Variants in PTPRD observed in about 807,000 individuals in gnomAD.
PTPRD encodes receptor-type tyrosine-protein phosphatase delta.
Under a neutral mutation model 214.5 loss-of-function variants are expected in PTPRD, and 34 were observed. The ratio of observed to expected loss-of-function variants is 0.16; its 90% confidence interval spans 0.12 to 0.21. The LOEUF (loss-of-function observed/expected upper bound fraction) is 0.21. Ranked by LOEUF, PTPRD falls within the 10% of genes least tolerant of loss-of-function variation. The probability of loss-of-function intolerance (pLI) is 1.00; values close to 1 mark genes in which losing one functional copy is unlikely to be tolerated. For synonymous variants in PTPRD, 1,128 were observed against 845.7 expected, an observed-to-expected ratio of 1.33 and a Z score of -5.79; for missense variants, 2,545 against 2,398.7, an observed-to-expected ratio of 1.06 and a Z score of -1.27.
At chr9:9,516,773 T>TGATCTGCCCTCCTCAGCCTCCC (rs200391119) in intron 8 of PTPRD, among the ~76,000 whole-genome samples, 2,968 of 152,002 alleles carry the variant, frequency 0.02, 47 homozygotes, top group South Asian at 0.039. Context: ...CTTGACCTCA[T>TGATCTGCCCTCCTCAGCCTCCC]GATCTGCCCT....
intron 7 of PTPRD, among the ~76,000 whole-genome samples, chr9:9,595,648 C>A (rs189245197): frequency 6.6e-6 from 1 of 151,888 alleles, no homozygotes; most frequent in East Asian, 1.9e-4. Context: ...TTGCCGCAAC[C>A]TCAATGAGAT....
At chr9:9,920,659 T>G (rs1266320970) in intron 5 of PTPRD, among the ~76,000 whole-genome samples, 1 of 152,150 alleles carries the variant, frequency 6.6e-6, no homozygotes, top group African/African-American at 2.4e-5. Context: ...CTGCTCAGGT[T>G]CCAGGGGATT....
intron 11 of PTPRD, among the ~76,000 whole-genome samples, chr9:8,999,450 T>C (rs1469764562): frequency 6.6e-6 from 1 of 152,080 alleles, no homozygotes; most frequent in Non-Finnish European, 1.5e-5. Flanking sequence ...AATAAACTAT[T>C]TTTAATTAAG....
chr9:10,337,910 T>C (rs944953134), intron 3 of PTPRD, among the ~76,000 whole-genome samples: 1 of 151,766 alleles, frequency 6.6e-6, no homozygotes, highest in African/African-American at 2.4e-5. Flanking sequence ...ATATTATATC[T>C]TTTATGTTAA....
At chr9:8,678,300 T>C (rs2097477792) in intron 12 of PTPRD, among the ~76,000 whole-genome samples, 1 of 152,174 alleles carries the variant, frequency 6.6e-6, no homozygotes, top group South Asian at 2.1e-4. Context: ...GTCAAGTTAA[T>C]GTCAACTATT....
In PTPRD at chr9:8,351,958, G is replaced by A. The variant is rs528311029; in HGVS notation, c.4662-9980C>T. Among the ~76,000 whole-genome samples the A allele has an allele frequency of 1.5e-4, 23 of 152,012 alleles. No homozygotes were observed. The East Asian group carries it at 4.5e-3, about 29-fold the overall frequency. On this transcript the variant is annotated intron_variant, in intron 39 of 45. Transcript: ENST00000381196. ...TTGTATAGAATACTGAAAGATCAGG[G>A]ATGAGCTACCAGGTTATATCCCTTT...
chr9:8,773,439 T>C (rs2095323416), intron 11 of PTPRD, among the ~76,000 whole-genome samples: 1 of 152,160 alleles, frequency 6.6e-6, no homozygotes, highest in Non-Finnish European at 1.5e-5. Flanking sequence ...TGGTACTCGC[T>C]TGTTGGTTTC....
In PTPRD at chr9:8,321,522, TATATAA is replaced by T. The variant is rs1394361793; in HGVS notation, c.5535-1562_5535-1557del. Among the ~76,000 whole-genome samples, 1,077 of 131,348 alleles carry T rather than the reference TATATAA, an allele frequency of 8.2e-3. 10 individuals carry two copies. Among genetic ancestry groups the T allele is most frequent in the South Asian group, 0.016 (65 of 4,134 alleles). The allele number at this position is 131,348 out of a possible 152,430, so 86.2% of individuals were successfully genotyped here. A position where few individuals can be genotyped will look rare whatever the true frequency, so the allele number is the denominator to read the frequency against. ...ATATATATATATATATATATATATA[TATATAA>T]AAGGTATATGCATCGCAATTCCTTT... On this transcript the variant is annotated intron_variant, in intron 44 of 45. Transcript: ENST00000381196.
At chr9:10,286,765 A>T (rs1381255752) in intron 3 of PTPRD, among the ~76,000 whole-genome samples, 1 of 151,818 alleles carries the variant, frequency 6.6e-6, no homozygotes, top group Non-Finnish European at 1.5e-5. Context: ...AGCCCGACTA[A>T]TTTTTTTGTA....
chr9:9,806,225 G>C (rs1430356553), intron 5 of PTPRD, among the ~76,000 whole-genome samples: 1 of 151,940 alleles, frequency 6.6e-6, no homozygotes, highest in Non-Finnish European at 1.5e-5. Flanking sequence ...AGATGGTCAG[G>C]CCGTTATCAC....
At chr9:8,467,871 T>C (rs2096574889) in intron 31 of PTPRD, among the ~76,000 whole-genome samples, 1 of 152,000 alleles carries the variant, frequency 6.6e-6, no homozygotes, top group African/African-American at 2.4e-5. Context: ...TTAAGGACAG[T>C]AGCCTATTAC....
intron 5 of PTPRD, among the ~76,000 whole-genome samples, chr9:9,828,400 G>A (rs1463728735): frequency 6.6e-6 from 1 of 151,956 alleles, no homozygotes; most frequent in Non-Finnish European, 1.5e-5. Flanking sequence ...CTATCACAAG[G>A]ACAAAAAACC....
chr9:10,601,576 C>G (rs1360807352), intron 2 of PTPRD, among the ~76,000 whole-genome samples: 3 of 151,618 alleles, frequency 2.0e-5, no homozygotes, highest in Non-Finnish European at 4.4e-5. Context: ...TATTAAATAT[C>G]TAGAATAGTG....
chr9:9,221,943 C>T (rs917010826), intron 9 of PTPRD, among the ~76,000 whole-genome samples: 2 of 152,022 alleles, frequency 1.3e-5, no homozygotes, highest in African/African-American at 4.8e-5. Context: ...GAGTCACAAT[C>T]TGCATTTTAA....
chr9:9,489,626 A>T (rs1055725830), intron 8 of PTPRD, among the ~76,000 whole-genome samples: 2 of 152,194 alleles, frequency 1.3e-5, no homozygotes, highest in South Asian at 2.1e-4. Context: ...TGAAAATTTT[A>T]AAAAAAGGAT....
At position 9,095,886 on chromosome 9, in the gene PTPRD, T is replaced by C. The variant is rs79784796; in HGVS notation, c.-142-77151A>G. ...TGAACAAATGGATTAAAAACCCCTG[T>C]GGTACATATATACAATGGAATATTA... On this transcript the variant is annotated intron_variant, in intron 10 of 45. Transcript: ENST00000381196. Among the ~76,000 whole-genome samples, 8 of 152,298 alleles carry C rather than the reference T, an allele frequency of 5.3e-5. No individual in the cohort carries two copies. The South Asian group carries it at 1.0e-3, about 20-fold the overall frequency.
intron 8 of PTPRD, among the ~76,000 whole-genome samples, chr9:9,471,558 T>C (rs1589278050): frequency 1.3e-5 from 2 of 152,182 alleles, no homozygotes; most frequent in Non-Finnish European, 1.5e-5. Flanking sequence ...CACTATAAAA[T>C]AGAAATGTCA....
intron 45 of PTPRD, 106 bp downstream of exon 45, chr9:8,319,724 TC>T: frequency 7.3e-7 from 1 of 1,368,836 alleles, no homozygotes; most frequent in Non-Finnish European, 1.0e-6. Context: ...TTTGATGCTT[TC>T]CCCACAGTAT....
At chr9:10,118,191 AT>A in intron 3 of PTPRD, among the ~76,000 whole-genome samples, 1 of 121,738 alleles carries the variant, frequency 8.2e-6, no homozygotes, top group African/African-American at 2.9e-5. Context: ...AACTTCTCAC[AT>A]TTATTATCTA....
Sources: allele counts gnomAD v4.1 joint callset (sites outside exome capture counted in the v4.1 genomes callset), GRCh38; gene constraint gnomAD v4.1.1; transcripts MANE v1.5; gene names NCBI Gene and HGNC (gene_info 2026-07-23, HGNC 2026-07-21).